PDE4B: variants seen among roughly 807,000 people sequenced by gnomAD.
PDE4B encodes the protein 3',5'-cyclic-AMP phosphodiesterase 4B.
In PDE4B, 20 loss-of-function variants were observed where a neutral mutation model predicts 82.2. The observed-to-expected ratio is 0.24, with a 90% CI of 0.17 to 0.35. PDE4B has a LOEUF of 0.35. PDE4B is among the 10% of genes least tolerant of loss of function. PDE4B has a pLI of 1.00. For synonymous variants in PDE4B, 320 were observed against 318.9 expected, an observed-to-expected ratio of 1.00 and a Z score of -0.04; for missense variants, 655 against 907.2, an observed-to-expected ratio of 0.72 and a Z score of 3.57.
intron 7 of PDE4B, among the ~76,000 whole-genome samples, chr1:66,273,969 G>A (rs1344197723): frequency 6.6e-6 from 1 of 152,232 alleles, no homozygotes; most frequent in Non-Finnish European, 1.5e-5. Context: ...AGAAGTGGCA[G>A]TGTTAAAAGA....
chr1:66,351,486 A>G (rs1029846779), intron 8 of PDE4B, among the ~76,000 whole-genome samples: 2 of 152,214 alleles, frequency 1.3e-5, no homozygotes, highest in Non-Finnish European at 2.9e-5. Flanking sequence ...GTCTTACACT[A>G]TGAAACTCTG....
intron 3 of PDE4B, among the ~76,000 whole-genome samples, chr1:65,968,491 C>T (rs1649969020): frequency 2.7e-5 from 1 of 36,670 alleles, no homozygotes; most frequent in Non-Finnish European, 9.0e-5. Context: ...ACTGGGTTGA[C>T]TATAATTTTT....
chr1:66,259,102 G>A (rs1043696456), intron 6 of PDE4B, among the ~76,000 whole-genome samples: 3 of 152,072 alleles, frequency 2.0e-5, no homozygotes, highest in Non-Finnish European at 4.4e-5. Flanking sequence ...GAAATCTAGA[G>A]GCTTGTCTCA....
chr1:66,161,771 A>G lies in PDE4B; in HGVS notation c.282-85689A>G, dbSNP rs564860369. ...GTCCCAGGATAAGGCAGAGCTAATAAGTATATCCCAGAATAAGTCACTTAC... is the reference window on the plus strand; with the variant it reads ...GTCCCAGGATAAGGCAGAGCTAATAGGTATATCCCAGAATAAGTCACTTAC... On this transcript the variant is annotated intron_variant, in intron 3 of 16. Transcript: ENST00000341517. 2.6e-4 allele frequency among the ~76,000 whole-genome samples: 39 copies of G among 152,244 alleles called. No homozygotes were observed. In the East Asian group the frequency reaches 7.0e-3, roughly 27 times the overall value.
intron 3 of PDE4B, among the ~76,000 whole-genome samples, chr1:66,222,360 A>G (rs1349497861): frequency 2.0e-5 from 3 of 152,232 alleles, no homozygotes; most frequent in Non-Finnish European, 4.4e-5. Flanking sequence ...GCCTTTAATG[A>G]CAATATTTAA....
intron 3 of PDE4B, among the ~76,000 whole-genome samples, chr1:66,216,922 G>A (rs932106103): frequency 2.0e-5 from 3 of 152,102 alleles, no homozygotes; most frequent in Non-Finnish European, 4.4e-5. Context: ...CACAGCAAGG[G>A]AAACTGAGGA....
intron 3 of PDE4B, among the ~76,000 whole-genome samples, chr1:66,156,448 CTTG>C (rs1278135862): frequency 6.6e-6 from 1 of 152,150 alleles, no homozygotes; most frequent in Non-Finnish European, 1.5e-5. Flanking sequence ...ACACCTGACA[CTTG>C]TTGAGCATTT....
At chr1:66,184,371 A>T (rs752633135) in intron 3 of PDE4B, among the ~76,000 whole-genome samples, 5 of 152,184 alleles carry the variant, frequency 3.3e-5, no homozygotes, top group Non-Finnish European at 5.9e-5. Flanking sequence ...ATTATCTGCC[A>T]GCCACTATTC....
At chr1:65,810,098 A>T (rs1645802417) in intron 1 of PDE4B, among the ~76,000 whole-genome samples, 1 of 152,264 alleles carries the variant, frequency 6.6e-6, no homozygotes, top group African/African-American at 2.4e-5. Flanking sequence ...GTGGGCAGTG[A>T]AAAGGACAGG....
chr1:65,836,491 C>T (rs1646141521), intron 1 of PDE4B, among the ~76,000 whole-genome samples: 2 of 152,184 alleles, frequency 1.3e-5, no homozygotes, highest in African/African-American at 4.8e-5. Context: ...TGTTAACCTT[C>T]CTGGTTTTCA....
chr1:66,028,900 C>G (rs931121660), intron 3 of PDE4B, among the ~76,000 whole-genome samples: 2 of 152,146 alleles, frequency 1.3e-5, no homozygotes, highest in African/African-American at 4.8e-5. Flanking sequence ...TAGGAAGTTC[C>G]AAATTTTCCC....
intron 3 of PDE4B, among the ~76,000 whole-genome samples, chr1:66,028,527 C>T (rs1289709127): frequency 6.6e-6 from 1 of 152,190 alleles, no homozygotes; most frequent in Admixed American, 6.5e-5. Flanking sequence ...GCTTGAATTT[C>T]TCCCCAGAAA....
intron 1 of PDE4B, among the ~76,000 whole-genome samples, chr1:65,850,035 C>T (rs181751627): frequency 1.9e-4 from 29 of 151,912 alleles, no homozygotes; most frequent in East Asian, 1.5e-3. Flanking sequence ...TTGCACCATT[C>T]GCATTCCCAC....
intron 3 of PDE4B, among the ~76,000 whole-genome samples, chr1:66,142,952 T>A (rs1245218138): frequency 6.6e-6 from 1 of 152,148 alleles, no homozygotes; most frequent in Non-Finnish European, 1.5e-5. Context: ...TAGAGTAAGC[T>A]AAGGGAGAGA....
At chr1:65,883,071 T>C (rs1196785106) in intron 1 of PDE4B, among the ~76,000 whole-genome samples, 6 of 152,206 alleles carry the variant, frequency 3.9e-5, no homozygotes, top group South Asian at 4.1e-4. Flanking sequence ...CTAACAATCA[T>C]ATGCTTCATA....
At chr1:65,897,351 C>T (rs1293365716) in intron 1 of PDE4B, among the ~76,000 whole-genome samples, 1 of 152,014 alleles carries the variant, frequency 6.6e-6, no homozygotes, top group Admixed American at 6.6e-5. Flanking sequence ...AATATTAATG[C>T]TCCTGTCTTC....
At chr1:66,246,057 T>C (rs1458235514) in intron 3 of PDE4B, among the ~76,000 whole-genome samples, 2 of 152,262 alleles carry the variant, frequency 1.3e-5, no homozygotes, top group Non-Finnish European at 2.9e-5. Context: ...AGTTATCTAT[T>C]GGGCCATTCT....
At chr1:66,367,531 A>T in intron 13 of PDE4B, 165 bp from the exon 14 acceptor site, 1 of 558,740 alleles carries the variant, frequency 1.8e-6, no homozygotes, top group South Asian at 2.7e-5. Flanking sequence ...GAAACTGATG[A>T]CTTCTGTTTG....
intron 3 of PDE4B, among the ~76,000 whole-genome samples, chr1:66,177,263 C>T (rs147837779): frequency 1.7e-4 from 26 of 152,286 alleles, no homozygotes; most frequent in African/African-American, 6.3e-4. Context: ...TTACCCCTAC[C>T]ACAAACTGGG....
Sources: gnomAD v4.1 joint callset for allele counts (sites outside exome capture counted in the v4.1 genomes callset) on GRCh38, gnomAD v4.1.1 for gene constraint, MANE v1.5 for transcripts, NCBI Gene and HGNC (gene_info 2026-07-23, HGNC 2026-07-21) for gene names.